The following SLC5A12 variants were observed in gnomAD, a reference collection of about 807,000 sequenced individuals.
The protein encoded by SLC5A12 is solute carrier family 5 member 12, also known as sodium-coupled monocarboxylate transporter 2.
In SLC5A12, 46 loss-of-function variants were observed where a neutral mutation model predicts 72.7. The ratio of observed to expected loss-of-function variants is 0.63; its 90% confidence interval spans 0.50 to 0.81. The LOEUF (loss-of-function observed/expected upper bound fraction) is 0.81. Among genes scored for constraint, SLC5A12 ranks in the 30% least tolerant of loss-of-function variants. The pLI is 0.00. For missense variants in SLC5A12, 683 were observed against 740.7 expected (o/e 0.92, Z 0.90); for synonymous variants, 275 against 264.4 (o/e 1.04, Z -0.39).
chr11:26,720,045 G>C (rs1590745897), intron 1 of SLC5A12, among the ~76,000 whole-genome samples: 2 of 152,308 alleles, frequency 1.3e-5, no homozygotes, highest in East Asian at 3.9e-4. Flanking sequence ...AAGGAACTTA[G>C]AGAAGTACTT....
At chr11:26,680,306 T>TATATATATATGAATATATATTC (rs1854366322) in intron 12 of SLC5A12, among the ~76,000 whole-genome samples, 1 of 21,288 alleles carries the variant, frequency 4.7e-5, no homozygotes, top group African/African-American at 9.0e-5. Context: ...TATATATTCA[T>TATATATATATGAATATATATTC]ATATATATAT....
rs146120240 is a variant in SLC5A12, at chr11:26,709,904, C to A, written c.458-525G>T. ...TTGACTTTTTTTCTAGGAAAACAAT[C>A]CTTTTATTGAATGTACCTAGCATAT... On this transcript the variant is annotated intron_variant, in intron 3 of 14. Coordinates refer to ENST00000396005, the MANE Select transcript of SLC5A12 (RefSeq NM_178498.4). Among the ~76,000 whole-genome samples the A allele has an allele frequency of 1.1e-4, 17 of 152,070 alleles. No homozygotes were observed. In the East Asian group the frequency reaches 3.3e-3, roughly 29 times the overall value.
At chr11:26,709,678 A>C (rs67745425) in intron 3 of SLC5A12, among the ~76,000 whole-genome samples, 14,454 of 151,994 alleles carry the variant, frequency 0.095, 773 homozygotes, top group East Asian at 0.17. Flanking sequence ...TGTTTTTCTC[A>C]ACAAAGTTAG....
chr11:26,684,524 C>T (rs1046295563), intron 10 of SLC5A12, among the ~76,000 whole-genome samples: 3 of 152,096 alleles, frequency 2.0e-5, no homozygotes, highest in Non-Finnish European at 4.4e-5. Context: ...AGCCATCATG[C>T]CTCTCCTAGG....
At chr11:26,683,663 A>G in intron 11 of SLC5A12, 94 bp downstream of exon 11, 1 of 1,009,876 alleles carries the variant, frequency 9.9e-7, no homozygotes. Context: ...CCTGGCTAAG[A>G]CAGATAGCTT....
At chr11:26,703,753 T>G in intron 5 of SLC5A12, 40 bp downstream of exon 5, 10 of 1,612,982 alleles carry the variant, frequency 6.2e-6, no homozygotes, top group Non-Finnish European at 8.5e-6. Context: ...GTCATGTAGC[T>G]AAGTCTTTGT....
At chr11:26,680,461 C>T (rs569751874) in intron 12 of SLC5A12, among the ~76,000 whole-genome samples, 1 of 146,914 alleles carries the variant, frequency 6.8e-6, no homozygotes, top group African/African-American at 2.5e-5. Flanking sequence ...TTACAACTTA[C>T]TAACTTGTCC....
chr11:26,675,969 CTGTG>C (rs10695732), intron 13 of SLC5A12, among the ~76,000 whole-genome samples: 32 of 150,718 alleles, frequency 2.1e-4, no homozygotes, highest in African/African-American at 6.8e-4. Context: ...GTGCATGTAT[CTGTG>C]TGTGTGTGTA....
Position 26,692,615 on chromosome 11 carries a change from A to C in SLC5A12, c.1041-14T>G. 6.3e-7 allele frequency: 1 copy of C among 1,586,996 alleles called. No individual in the cohort carries two copies. The highest frequency in any genetic ancestry group is 1.3e-5 in the African/African-American group (1 of 74,452). ...GAAGCCACGGTGCTATAAGGAAAGA[A>C]AAGTGAGAACATGGTCTAAGCTATA... is the stretch of plus-strand genomic sequence containing the variant. On this transcript the variant is annotated splice_polypyrimidine_tract_variant and intron_variant, in intron 8 of 14. Coordinates refer to ENST00000396005, the MANE Select transcript of SLC5A12 (RefSeq NM_178498.4).
intron 8 of SLC5A12, among the ~76,000 whole-genome samples, chr11:26,694,560 T>C (rs967227447): frequency 1.3e-5 from 2 of 152,162 alleles, no homozygotes; most frequent in African/African-American, 4.8e-5. Context: ...CATAGGACAG[T>C]GTCACTGTGT....
chr11:26,709,273 GA>G, intron 4 of SLC5A12, 38 bp downstream of exon 4: 1 of 1,445,490 alleles, frequency 6.9e-7, no homozygotes, highest in Non-Finnish European at 9.6e-7. Flanking sequence ...CCCATATTAG[GA>G]GGTAGTGTTA....
chr11:26,697,697 A>C (rs574158303), intron 7 of SLC5A12, among the ~76,000 whole-genome samples: 92 of 152,246 alleles, frequency 6.0e-4, no homozygotes, highest in African/African-American at 2.0e-3. Flanking sequence ...TGCTGAGAAG[A>C]CATGATAAGA....
chr11:26,723,282 A>G (rs554474467), upstream of SLC5A12: 4 of 152,700 alleles, frequency 2.6e-5, no homozygotes, highest in East Asian at 5.8e-4. Context: ...GTTTAATTAG[A>G]TAGCTAAAGT....
Position 26,721,425 on chromosome 11 carries a change from T to A in SLC5A12, c.290A>T (p.Glu97Val). Residue 97 changes from glutamate to valine, a missense_variant, in exon 1 of 15, where the codon GAG becomes GTG. Coordinates refer to ENST00000396005, the MANE Select transcript of SLC5A12 (RefSeq NM_178498.4). The part of the protein sequence containing the change: ...AYLFVILLTS[E>V]LFLPVFYRSG... Reference sequence around the variant, plus strand: ...TCTGTAGAACACAGGGAGAAAGAGCTCTGATGTTAAGAGGATGACAAATAG... The same window carrying A: ...TCTGTAGAACACAGGGAGAAAGAGCACTGATGTTAAGAGGATGACAAATAG... 6.2e-7 allele frequency: 1 copy of A among 1,614,064 alleles called. No homozygotes were observed. The highest frequency in any genetic ancestry group is 8.5e-7 in the Non-Finnish European group (1 of 1,179,996).
At chr11:26,675,527 G>A (rs951880763) in intron 13 of SLC5A12, among the ~76,000 whole-genome samples, 1 of 152,166 alleles carries the variant, frequency 6.6e-6, no homozygotes, top group Non-Finnish European at 1.5e-5. Flanking sequence ...CTACAGGACT[G>A]TAGACATACT....
intron 9 of SLC5A12, among the ~76,000 whole-genome samples, chr11:26,688,220 AC>A (rs1438515669): frequency 6.6e-6 from 1 of 152,224 alleles, no homozygotes; most frequent in Non-Finnish European, 1.5e-5. Context: ...TCTCCCAAAA[AC>A]AAAGCAGTAG....
chr11:26,682,893 C>T (rs531410631), intron 11 of SLC5A12, among the ~76,000 whole-genome samples: 5 of 152,094 alleles, frequency 3.3e-5, no homozygotes, highest in Non-Finnish European at 7.4e-5. Context: ...CGAATGCTCG[C>T]TACCCATCAA....
intron 14 of SLC5A12, among the ~76,000 whole-genome samples, chr11:26,671,734 C>T (rs1164100527): frequency 6.6e-6 from 1 of 152,108 alleles, no homozygotes; most frequent in Non-Finnish European, 1.5e-5. Flanking sequence ...TCCCTTTCAA[C>T]TTATCCTTGA....
chr11:26,690,236 T>C (rs1309232883), intron 9 of SLC5A12, among the ~76,000 whole-genome samples: 2 of 152,118 alleles, frequency 1.3e-5, no homozygotes, highest in African/African-American at 2.4e-5. Flanking sequence ...TAAATAGTAA[T>C]GAATAGCCAA....
Sources: gnomAD v4.1 joint callset for allele counts (sites outside exome capture counted in the v4.1 genomes callset) on GRCh38, gnomAD v4.1.1 for gene constraint, MANE v1.5 for transcripts, NCBI Gene and HGNC (gene_info 2026-07-23, HGNC 2026-07-21) for gene names.